The following NKAIN2 variants were observed in gnomAD, a reference collection of about 807,000 sequenced individuals.
NKAIN2 encodes sodium/potassium-transporting ATPase subunit beta-1-interacting protein 2.
Under a neutral mutation model 32.6 loss-of-function variants are expected in NKAIN2, and 14 were observed. That is an observed-to-expected ratio of 0.43 (90% confidence interval 0.28 to 0.67). NKAIN2 has a LOEUF of 0.67. Ranked by LOEUF, NKAIN2 falls within the 30% of genes least tolerant of loss-of-function variation. The pLI, the probability that NKAIN2 is intolerant of heterozygous loss-of-function variation, is 0.17. For synonymous variants in NKAIN2, 80 were observed against 87.2 expected (o/e 0.92, Z 0.46); for missense variants, 198 against 258.3 (o/e 0.77, Z 1.60).
At chr6:124,557,350 A>G (rs1328502353) in intron 3 of NKAIN2, among the ~76,000 whole-genome samples, 1 of 152,218 alleles carries the variant, frequency 6.6e-6, no homozygotes, top group Non-Finnish European at 1.5e-5. Flanking sequence ...TTTCCCTAAA[A>G]AAAAACTCTT....
rs73772170 is a variant in NKAIN2, at chr6:124,591,381, T to C, written c.274-66805T>C. Among the ~76,000 whole-genome samples the C allele has an allele frequency of 5.6e-3, 848 of 152,104 alleles. 9 individuals carry two copies. Among genetic ancestry groups the C allele is most frequent in the African/African-American group, 0.019 (803 of 41,498 alleles). On this transcript the variant is annotated intron_variant, in intron 3 of 6. Coordinates refer to ENST00000368417, the MANE Select transcript of NKAIN2 (RefSeq NM_001040214.3). ...AGAAAATTCTATGGAAAATGTGAAA[T>C]TGTATGGGGAGAGGATGCAGAAAAT...
chr6:124,546,423 T>A (rs1410883040), intron 3 of NKAIN2, among the ~76,000 whole-genome samples: 1 of 152,182 alleles, frequency 6.6e-6, no homozygotes, highest in African/African-American at 2.4e-5. Flanking sequence ...AGTGCTCAAG[T>A]GTCCTTGAAC....
At chr6:124,105,835 T>G (rs1312569821) in intron 1 of NKAIN2, among the ~76,000 whole-genome samples, 1 of 152,196 alleles carries the variant, frequency 6.6e-6, no homozygotes, top group Non-Finnish European at 1.5e-5. Context: ...TCGTGCTACT[T>G]CCTTTGCTAT....
intron 3 of NKAIN2, among the ~76,000 whole-genome samples, chr6:124,446,494 T>C (rs1317650241): frequency 6.6e-6 from 1 of 151,906 alleles, no homozygotes; most frequent in East Asian, 1.9e-4. Context: ...AGCCATGTGC[T>C]ACCACACCTG....
intron 1 of NKAIN2, among the ~76,000 whole-genome samples, chr6:123,949,945 C>T (rs997969141): frequency 1.2e-4 from 18 of 151,858 alleles, no homozygotes; most frequent in African/African-American, 4.1e-4. Flanking sequence ...CATATGTAGT[C>T]TTCACTAAGT....
intron 3 of NKAIN2, among the ~76,000 whole-genome samples, chr6:124,575,167 G>A (rs1008529449): frequency 1.3e-4 from 20 of 152,142 alleles, no homozygotes; most frequent in Admixed American, 5.9e-4. Flanking sequence ...CTAACCTTTA[G>A]GGGAGATGGT....
chr6:124,637,980 G>A (rs1031458287), intron 3 of NKAIN2, among the ~76,000 whole-genome samples: 1 of 151,986 alleles, frequency 6.6e-6, no homozygotes, highest in Non-Finnish European at 1.5e-5. Context: ...ACAAACTGAA[G>A]GCATCATACT....
At chr6:124,612,060 C>G (rs781275885) in intron 3 of NKAIN2, among the ~76,000 whole-genome samples, 2 of 151,872 alleles carry the variant, frequency 1.3e-5, no homozygotes, top group Middle Eastern at 3.2e-3. Context: ...TTCTCATATA[C>G]TAAGATTATA....
intron 1 of NKAIN2, among the ~76,000 whole-genome samples, chr6:124,271,409 T>G (rs1441739672): frequency 3.3e-5 from 5 of 152,096 alleles, no homozygotes; most frequent in South Asian, 2.1e-4. Flanking sequence ...GTAGAGATGG[T>G]GTTTCACCAT....
chr6:124,336,811 C>G (rs1583069804), intron 2 of NKAIN2, among the ~76,000 whole-genome samples: 1 of 151,616 alleles, frequency 6.6e-6, no homozygotes, highest in African/African-American at 2.4e-5. Flanking sequence ...GTAGCTGGGA[C>G]TACAGGCATG....
At chr6:123,817,577 C>T (rs1773746609) in intron 1 of NKAIN2, among the ~76,000 whole-genome samples, 1 of 152,066 alleles carries the variant, frequency 6.6e-6, no homozygotes, top group Non-Finnish European at 1.5e-5. Flanking sequence ...ATCCCGAGGC[C>T]CGTGTCAGAA....
At chr6:124,366,239 G>T (rs780586563) in intron 3 of NKAIN2, among the ~76,000 whole-genome samples, 1 of 151,632 alleles carries the variant, frequency 6.6e-6, no homozygotes, top group South Asian at 2.1e-4. Context: ...GTGATTAAAC[G>T]AAAAAAAGAG....
chr6:123,892,485 C>CTCATGAGACTT (rs71021469), intron 1 of NKAIN2, among the ~76,000 whole-genome samples: 1 of 149,318 alleles, frequency 6.7e-6, no homozygotes, highest in South Asian at 2.1e-4. Context: ...TCATGAGACT[C>CTCATGAGACTT]GCTATCATGA....
chr6:124,453,578 A>C (rs1776203127), intron 3 of NKAIN2, among the ~76,000 whole-genome samples: 1 of 152,026 alleles, frequency 6.6e-6, no homozygotes, highest in Non-Finnish European at 1.5e-5. Flanking sequence ...GCAGCATTTT[A>C]AATTCAGAGA....
intron 5 of NKAIN2, among the ~76,000 whole-genome samples, chr6:124,806,596 C>G (rs1780574989): frequency 1.3e-5 from 2 of 151,628 alleles, no homozygotes; most frequent in African/African-American, 2.4e-5. Flanking sequence ...AGCAAGATAA[C>G]CAGCTAACAT....
chr6:124,189,782 C>T (rs1916786), intron 1 of NKAIN2, among the ~76,000 whole-genome samples: 81,382 of 152,054 alleles, frequency 0.54, 23,733 homozygotes, highest in Non-Finnish European at 0.66. Flanking sequence ...ATCTTTCCTC[C>T]TTAGTGGTAA....
At chr6:124,721,210 AT>A (rs1776000469) in intron 4 of NKAIN2, among the ~76,000 whole-genome samples, 1 of 152,014 alleles carries the variant, frequency 6.6e-6, no homozygotes, top group South Asian at 2.1e-4. Flanking sequence ...AGGTCAGGAG[AT>A]CGAGACCACG....
chr6:123,871,866 TC>T (rs1772907597), intron 1 of NKAIN2, among the ~76,000 whole-genome samples: 1 of 152,208 alleles, frequency 6.6e-6, no homozygotes, highest in African/African-American at 2.4e-5. Context: ...CAAGTTTATT[TC>T]TTTGAATATG....
At chr6:124,420,393 G>T (rs921659600) in intron 3 of NKAIN2, among the ~76,000 whole-genome samples, 1 of 152,168 alleles carries the variant, frequency 6.6e-6, no homozygotes, top group South Asian at 2.1e-4. Flanking sequence ...GTGAAGGTAG[G>T]TTAAACAAAA....
Sources: gnomAD v4.1 joint callset for allele counts (sites outside exome capture counted in the v4.1 genomes callset) on GRCh38, gnomAD v4.1.1 for gene constraint, MANE v1.5 for transcripts, NCBI Gene and HGNC (gene_info 2026-07-23, HGNC 2026-07-21) for gene names.